The following UBAP2 variants were observed in gnomAD, a reference collection of about 807,000 sequenced individuals.
UBAP2 encodes ubiquitin associated protein 2, also known as ubiquitin-associated protein 2.
In UBAP2, 75 loss-of-function variants were observed where a neutral mutation model predicts 139.6. That is an observed-to-expected ratio of 0.54 (90% CI 0.45 to 0.65). The LOEUF is 0.65. UBAP2 is among the 30% of genes least tolerant of loss of function. The pLI, the probability that UBAP2 is intolerant of heterozygous loss-of-function variation, is 0.00. For synonymous variants in UBAP2, 526 were observed against 526.2 expected, an observed-to-expected ratio of 1.00 and a Z score of 0.01; for missense variants, 1,368 against 1,369.6, an observed-to-expected ratio of 1.00 and a Z score of 0.02.
At chr9:34,029,133 C>A (rs1000399648) in intron 1 of UBAP2, among the ~76,000 whole-genome samples, 1 of 152,030 alleles carries the variant, frequency 6.6e-6, no homozygotes, top group Non-Finnish European at 1.5e-5. Context: ...ATAAAAAAAA[C>A]TCTTAACAGT....
chr9:33,948,476 T>G lies in UBAP2; in HGVS notation c.1168A>C (p.Thr390Pro), dbSNP rs374357738. ...CTATTCTGCTGTGTACTTGGGGTGG[T>G]GGTAAACTGGCCCAAACTCGGAGCT... ...LKAPSLGQFTTTPSTQQNSTS... is the reference protein window; with the variant it reads ...LKAPSLGQFTPTPSTQQNSTS... Residue 390 changes from threonine (T) to proline (P), a missense_variant, in exon 13 of 29, where the codon ACC (threonine) becomes CCC (proline). Transcript: ENST00000379238. The G allele has an allele frequency of 6.2e-6, 10 of 1,614,038 alleles. No homozygotes were observed. The African/African-American group carries it at 1.2e-4, about 19-fold the overall frequency.
chr9:33,977,787 C>T (rs1055982749), intron 6 of UBAP2, among the ~76,000 whole-genome samples: 25 of 151,514 alleles, frequency 1.7e-4, no homozygotes, highest in African/African-American at 5.3e-4. Flanking sequence ...CTCAGTCTCC[C>T]GAGCGGCTGG....
chr9:34,029,987 GAA>G (rs56101358), intron 1 of UBAP2, among the ~76,000 whole-genome samples: 4 of 99,048 alleles, frequency 4.0e-5, no homozygotes, highest in Admixed American at 2.2e-4. Context: ...ACTCCATCTC[GAA>G]AAAAAAAAAA....
chr9:34,015,047 G>A (rs1175528910), intron 2 of UBAP2, among the ~76,000 whole-genome samples: 2 of 152,154 alleles, frequency 1.3e-5, no homozygotes, highest in African/African-American at 4.8e-5. Flanking sequence ...AACATCAACA[G>A]GGCACTTGGG....
chr9:34,020,779 C>T (rs1361099925), intron 1 of UBAP2, among the ~76,000 whole-genome samples: 1 of 151,968 alleles, frequency 6.6e-6, no homozygotes, highest in African/African-American at 2.4e-5. Flanking sequence ...CCTGCCTCAG[C>T]CTCCTGAGTA....
chr9:33,983,050 T>C (rs192672654), intron 6 of UBAP2, among the ~76,000 whole-genome samples: 1 of 152,104 alleles, frequency 6.6e-6, no homozygotes, highest in Admixed American at 6.5e-5. Flanking sequence ...GCTAATTTTT[T>C]TGTATTTTGA....
chr9:33,922,650 C>A, intron 28 of UBAP2, 37 bp downstream of exon 28: 1 of 1,589,128 alleles, frequency 6.3e-7, no homozygotes, highest in Non-Finnish European at 8.6e-7. Context: ...GAACCCCTGG[C>A]CCAGAGTAGG....
intron 5 of UBAP2, among the ~76,000 whole-genome samples, chr9:33,987,776 C>T (rs1440109312): frequency 6.6e-6 from 1 of 152,166 alleles, no homozygotes; most frequent in African/African-American, 2.4e-5. Flanking sequence ...TAATGTATCA[C>T]AGAATTTGCT....
intron 2 of UBAP2, among the ~76,000 whole-genome samples, chr9:34,012,334 C>T (rs1823823667): frequency 6.6e-6 from 1 of 152,128 alleles, no homozygotes; most frequent in Non-Finnish European, 1.5e-5. Context: ...AGTTCGAGAG[C>T]AGCCTGGCCA....
intron 6 of UBAP2, among the ~76,000 whole-genome samples, 188 bp downstream of exon 6, chr9:33,986,572 T>C (rs1821234386): frequency 6.6e-6 from 1 of 152,216 alleles, no homozygotes; most frequent in Non-Finnish European, 1.5e-5. Flanking sequence ...AAAACAACCC[T>C]TTGGTTTCTT....
chr9:34,001,530 G>A (rs776387479), intron 2 of UBAP2, among the ~76,000 whole-genome samples: 1 of 152,198 alleles, frequency 6.6e-6, no homozygotes, highest in Non-Finnish European at 1.5e-5. Flanking sequence ...GCATGTCATT[G>A]TGGCAGCTGG....
At chr9:34,002,293 A>G (rs1240447623) in intron 2 of UBAP2, among the ~76,000 whole-genome samples, 2 of 151,674 alleles carry the variant, frequency 1.3e-5, no homozygotes, top group African/African-American at 4.9e-5. Flanking sequence ...TTAACATACT[A>G]CCATGTGGAA....
chr9:33,922,703 A>C lies in UBAP2; in HGVS notation c.3248T>G (p.Leu1083Arg). 1 of 1,550,026 alleles carries C rather than the reference A, an allele frequency of 6.5e-7. No individual in the cohort carries two copies. Among genetic ancestry groups the C allele is most frequent in the Non-Finnish European group, 8.7e-7 (1 of 1,148,574 alleles). ...QPHSQLLHHH[L>R]PQDAQSGSGQ... ...TGTACTCACCTGTGCATCCTGCGGA[A>C]GGTGGTGGTGCAGCAGCTGTGAGTG... Residue 1083 changes from leucine to arginine, a missense_variant, in exon 28 of 29, where the codon CTT (leucine) becomes CGT (arginine). Leu to Arg is a moderately radical substitution (Grantham distance 102). Transcript: ENST00000379238.
At chr9:34,002,041 C>T (rs1822752297) in intron 2 of UBAP2, among the ~76,000 whole-genome samples, 1 of 151,964 alleles carries the variant, frequency 6.6e-6, no homozygotes, top group African/African-American at 2.4e-5. Context: ...ACCATGGCCT[C>T]GACCTCCCAG....
Position 33,953,435 on chromosome 9 carries a change from G to C in UBAP2, c.906C>G (p.His302Gln), listed in dbSNP as rs778652261. 1.2e-6 allele frequency: 2 copies of C among 1,614,018 alleles called. No homozygotes were observed. Among genetic ancestry groups the C allele is most frequent in the Non-Finnish European group, 1.7e-6 (2 of 1,180,012 alleles). ...AGGAGTTGGCTTCTGAGGCTTGACTGTGAGGAACAGGCTTCTGGAGCAAGG... is the reference window on the plus strand; with the variant it reads ...AGGAGTTGGCTTCTGAGGCTTGACTCTGAGGAACAGGCTTCTGGAGCAAGG... Reference protein sequence around the residue: ...LVALLQKPVPHSQASEANSFE... With the variant: ...LVALLQKPVPQSQASEANSFE... Residue 302 changes from histidine to glutamine, a missense_variant, in exon 12 of 29, where the codon CAC (histidine) becomes CAG (glutamine). Coordinates refer to ENST00000379238, the MANE Select transcript of UBAP2 (RefSeq NM_001370062.2).
At position 33,922,696 on chromosome 9, in the gene UBAP2, C is replaced by A; in HGVS notation, c.3255G>T (p.Gln1085His). ...CCATCACTGTACTCACCTGTGCATC[C>A]TGCGGAAGGTGGTGGTGCAGCAGCT... ...HSQLLHHHLP[Q>H]DAQSGSGQRS... Residue 1085 changes from glutamine (Q) to histidine (H), a missense_variant, in exon 28 of 29, where the codon CAG becomes CAT. Physicochemically the swap from Gln to His is conservative, Grantham distance 24. Transcript: ENST00000379238. The A allele has an allele frequency of 1.3e-6, 2 of 1,551,250 alleles. No individual in the cohort carries two copies. The highest frequency in any genetic ancestry group is 1.7e-6 in the Non-Finnish European group (2 of 1,149,308).
Position 34,002,864 on chromosome 9 carries a change from T to C in UBAP2, c.100-4000A>G, listed in dbSNP as rs756889587. 4.0e-5 allele frequency among the ~76,000 whole-genome samples: 6 copies of C among 151,782 alleles called. No homozygotes were observed. The Middle Eastern group carries it at 0.01, about 260-fold the overall frequency. ...ACACGACACCTGGTTAATGTTTTGT[T>C]TTTAGTACAAACAAGGTTCCGCCAT... On this transcript the variant is annotated intron_variant, in intron 2 of 28. Coordinates refer to ENST00000379238, the MANE Select transcript of UBAP2 (RefSeq NM_001370062.2).
intron 2 of UBAP2, chr9:34,011,780 G>T: frequency 2.7e-6 from 1 of 369,018 alleles, no homozygotes; most frequent in Non-Finnish European, 3.8e-6. Flanking sequence ...ATCTCAAGTT[G>T]AAAAATATCT....
In UBAP2 at chr9:33,956,739, C is replaced by T. The variant is rs139008872; in HGVS notation, c.799-593G>A. On this transcript the variant is annotated intron_variant, in intron 10 of 28. Coordinates refer to ENST00000379238, the MANE Select transcript of UBAP2 (RefSeq NM_001370062.2). ...TGAAACACTCAAACCAGGGCTCAAC[C>T]GCAGACTCACTTCTCTATTTGTCAT... Among the ~76,000 whole-genome samples, 6 of 152,080 alleles carry T rather than the reference C, an allele frequency of 3.9e-5. No individual in the cohort carries two copies. In the East Asian group the frequency reaches 1.2e-3, roughly 29 times the overall value.
Sources: allele counts gnomAD v4.1 joint callset (sites outside exome capture counted in the v4.1 genomes callset), GRCh38; gene constraint gnomAD v4.1.1; transcripts MANE v1.5; gene names NCBI Gene and HGNC (gene_info 2026-07-23, HGNC 2026-07-21).